NPVF: variants seen among roughly 807,000 people sequenced by gnomAD.
NPVF encodes the protein pro-FMRFamide-related neuropeptide VF.
Under a neutral mutation model 15.7 loss-of-function variants are expected in NPVF, and 17 were observed. That is an observed-to-expected ratio of 1.08 (90% CI 0.74 to 1.62). NPVF has a LOEUF of 1.62. Ranked by LOEUF, NPVF falls within the 40% of genes most tolerant of loss-of-function variation. The pLI, the probability that NPVF is intolerant of heterozygous loss-of-function variation, is 0.00. For synonymous variants in NPVF, 70 were observed against 80.1 expected (o/e 0.87, Z 0.67); for missense variants, 270 against 225.2 (o/e 1.20, Z -1.27).
chr7:25,227,000 T>G lies in NPVF; in HGVS notation c.165A>C (p.Arg55Ser). The change falls in exon 2 of 3, where the codon AGA (arginine) becomes AGC (serine). Residue 55 changes from arginine to serine, a missense_variant. Arg to Ser is a moderately radical substitution (Grantham distance 110). Transcript: ENST00000222674. ...SEPRGYPKGERSLNFEELKDW... is the reference protein window; with the variant it reads ...SEPRGYPKGESSLNFEELKDW... ...CTTTTAATTCCTCAAAATTGAGGCT[T>G]CTTTCCCCTTTTGGGTATCCTCTAG... is the stretch of plus-strand genomic sequence containing the variant. 1 of 1,613,528 alleles carries G rather than the reference T, an allele frequency of 6.2e-7. No homozygotes were observed. Among genetic ancestry groups the G allele is most frequent in the Non-Finnish European group, 8.5e-7 (1 of 1,179,600 alleles).
At chr7:25,227,686 C>G (rs1254942154) in intron 1 of NPVF, among the ~76,000 whole-genome samples, 2 of 152,184 alleles carry the variant, frequency 1.3e-5, no homozygotes, top group African/African-American at 4.8e-5. Flanking sequence ...TAGGAACCAT[C>G]TCAAATACAG....
In NPVF at chr7:25,228,325, C is replaced by T. The variant is rs1270732967; in HGVS notation, c.115G>A (p.Glu39Lys). 4 of 1,516,442 alleles carry T rather than the reference C, an allele frequency of 2.6e-6. No homozygotes were observed. In the African/African-American group the frequency reaches 5.5e-5, roughly 21 times the overall value. 93.9% of individuals were successfully genotyped at this position (1,516,442 alleles called of 1,614,324 possible). A position where few individuals can be genotyped will look rare whatever the true frequency, so the allele number is the denominator to read the frequency against. The stretch of plus-strand genomic sequence containing the variant: ...ACCTCAGAATATTTGTCATAATTTT[C>T]TTTGCTGTGAAGATTGGACATCACT... ...ELVMSNLHSK[E>K]NYDKYSEPRG... is the part of the protein sequence containing the mutation. The change falls in exon 1 of 3, where the codon GAA becomes AAA. Residue 39 changes from glutamate (E) to lysine (K), a missense_variant. Glu to Lys is a moderately conservative substitution (Grantham distance 56, BLOSUM62 1). Transcript: ENST00000222674.
At chr7:25,225,579 T>C (rs767419327) in intron 2 of NPVF, among the ~76,000 whole-genome samples, 11 of 152,278 alleles carry the variant, frequency 7.2e-5, no homozygotes, top group Non-Finnish European at 1.5e-4. Flanking sequence ...ACATCCTTTT[T>C]GCTCTTGCCA....
intron 2 of NPVF, among the ~76,000 whole-genome samples, chr7:25,225,547 A>G (rs1783114441): frequency 6.6e-6 from 1 of 152,190 alleles, no homozygotes; most frequent in South Asian, 2.1e-4. Flanking sequence ...CTAACGGTCT[A>G]GACTTCTTTC....
intron 2 of NPVF, among the ~76,000 whole-genome samples, chr7:25,225,564 T>A (rs1449377373): frequency 6.6e-6 from 1 of 152,246 alleles, no homozygotes; most frequent in African/African-American, 2.4e-5. Flanking sequence ...TTTCCTCTCT[T>A]CTTCACATCC....
intron 2 of NPVF, 152 bp downstream of exon 2, chr7:25,226,474 A>C: frequency 1.2e-6 from 1 of 852,280 alleles, no homozygotes; most frequent in Non-Finnish European, 1.8e-6. Context: ...CCCAATTTAC[A>C]GGTATTTAGT....
At chr7:25,226,482 A>T in intron 2 of NPVF, 144 bp downstream of exon 2, 1 of 915,416 alleles carries the variant, frequency 1.1e-6, no homozygotes, top group Non-Finnish European at 1.7e-6. Flanking sequence ...ACAGGTATTT[A>T]GTTCCTTGTG....
At chr7:25,225,283 T>G (rs1229455323) in intron 2 of NPVF, 110 bp from the exon 3 acceptor site, 2 of 824,946 alleles carry the variant, frequency 2.4e-6, no homozygotes, top group Non-Finnish European at 2.0e-6. Flanking sequence ...TGAGTTGAAT[T>G]GTGTTGCACT....
chr7:25,225,910 G>GC (rs869141810), intron 2 of NPVF, among the ~76,000 whole-genome samples: 3 of 164 alleles, frequency 0.018, no homozygotes, highest in Admixed American at 0.14. Flanking sequence ...TATGTCAGAT[G>GC]GGATAAGTAC....
chr7:25,225,801 G>C (rs1489800214), intron 2 of NPVF, among the ~76,000 whole-genome samples: 1 of 152,198 alleles, frequency 6.6e-6, no homozygotes, highest in Non-Finnish European at 1.5e-5. Context: ...GGCTTACTAT[G>C]TGGTAGACAC....
rs915266640 is a variant in NPVF, at chr7:25,224,665, G to T, written c.*457C>A. The T allele has an allele frequency of 1.9e-5, 3 of 153,856 alleles. No homozygotes were observed. The highest frequency in any genetic ancestry group is 7.2e-5 in the African/African-American group (3 of 41,444). 9.5% of individuals were successfully genotyped at this position (153,856 alleles called of 1,614,324 possible). A position where few individuals can be genotyped will look rare whatever the true frequency, so the allele number is the denominator to read the frequency against. On this transcript the variant is annotated 3_prime_UTR_variant, in exon 3 of 3. Coordinates refer to ENST00000222674, the MANE Select transcript of NPVF (RefSeq NM_022150.3). ...TCACAGATTCATTAACATTTGACAC[G>T]ATAGAAAGGGTGTACAGAAACACGT...
At position 25,226,558 on chromosome 7, in the gene NPVF, A is replaced by G. The variant is rs905213776; in HGVS notation, c.539+68T>C. On this transcript the variant is annotated intron_variant, in intron 2 of 2. Transcript: ENST00000222674. ...AAACTTATGTTGAAAAGATGTAGTC[A>G]TTTTTAAAGTTTCTAGACCACCTCT... 9 of 1,510,560 alleles carry G rather than the reference A, an allele frequency of 6.0e-6. No individual in the cohort carries two copies. The East Asian group carries it at 9.1e-5, about 15-fold the overall frequency. The allele number at this position is 1,510,560 out of a possible 1,614,324, so 93.6% of individuals were successfully genotyped here.
intron 1 of NPVF, 39 bp downstream of exon 1, chr7:25,228,263 A>G: frequency 1.6e-6 from 2 of 1,259,772 alleles, no homozygotes; most frequent in Non-Finnish European, 2.3e-6. Flanking sequence ...ATATTATGTA[A>G]TTAATGCTAC....
intron 1 of NPVF, 97 bp downstream of exon 1, chr7:25,228,205 A>G (rs878885974): frequency 3.1e-5 from 27 of 868,270 alleles, no homozygotes; most frequent in Middle Eastern, 3.6e-4. Flanking sequence ...AACAGAGTAC[A>G]CACCAACTTA....
chr7:25,225,290 CA>C, intron 2 of NPVF, 117 bp from the exon 3 acceptor site: 5 of 781,448 alleles, frequency 6.4e-6, no homozygotes, highest in Non-Finnish European at 1.1e-5. Context: ...AATTGTGTTG[CA>C]CTTGAAATGA....
At chr7:25,226,306 T>A (rs1294637691) in intron 2 of NPVF, among the ~76,000 whole-genome samples, 1 of 152,196 alleles carries the variant, frequency 6.6e-6, no homozygotes, top group Non-Finnish European at 1.5e-5. Flanking sequence ...AGACTTTTTA[T>A]GTGGGAGAGG....
At chr7:25,227,091 A>G (rs1037905851) in intron 1 of NPVF, 65 bp from the exon 2 acceptor site, 8 of 1,344,284 alleles carry the variant, frequency 6.0e-6, no homozygotes, top group African/African-American at 5.9e-5. Context: ...TAAACCCCCA[A>G]TTAACTTAAA....
Position 25,224,894 on chromosome 7 carries a change from G to A in NPVF, c.*228C>T. 2.0e-6 allele frequency: 1 copy of A among 497,588 alleles called. No individual in the cohort carries two copies. The highest frequency in any genetic ancestry group is 3.5e-6 in the Non-Finnish European group (1 of 285,538). 30.8% of individuals were successfully genotyped at this position (497,588 alleles called of 1,614,324 possible). On this transcript the variant is annotated 3_prime_UTR_variant, in exon 3 of 3. Transcript: ENST00000222674. ...ATTATCAGAGATTTCTAAAGCATTTGCAATGCTTTTTTTTTATTCAGACAA... is the reference window on the plus strand; with the variant it reads ...ATTATCAGAGATTTCTAAAGCATTTACAATGCTTTTTTTTTATTCAGACAA...
rs762694859 is a variant in NPVF at position 25,225,138 on chromosome 7, A to G, written c.575T>C (p.Leu192Ser). 1 of 1,613,626 alleles carries G rather than the reference A, an allele frequency of 6.2e-7. No individual in the cohort carries two copies. The highest frequency in any genetic ancestry group is 2.2e-5 in the East Asian group (1 of 44,872). Reference protein sequence around the residue: ...LLFKKIDDAELKQEK With the variant: ...LLFKKIDDAESKQEK The stretch of plus-strand genomic sequence containing the variant: ...CCAGGTTTCTTATTTTTCTTGTTTC[A>G]ATTCTGCATCATCTATTTTCTTGAA... The change falls in exon 3 of 3, where the codon TTG becomes TCG. Residue 192 changes from leucine to serine, a missense_variant. Transcript: ENST00000222674.
Sources: allele counts gnomAD v4.1 joint callset (sites outside exome capture counted in the v4.1 genomes callset), GRCh38; gene constraint gnomAD v4.1.1; transcripts MANE v1.5; gene names NCBI Gene and HGNC (gene_info 2026-07-23, HGNC 2026-07-21).